The following ASB13 variants were observed in gnomAD, a reference collection of about 807,000 sequenced individuals.
ASB13 encodes the protein ankyrin repeat and SOCS box containing 13.
ASB13 carries 33 observed loss-of-function variants against 28.8 expected under a neutral mutation model. The observed-to-expected ratio is 1.15, with a 90% confidence interval of 0.87 to 1.53. ASB13 has a LOEUF of 1.53. Among genes scored for constraint, ASB13 ranks in the 40% most tolerant of loss-of-function variants. ASB13 has a pLI of 0.00. For missense variants in ASB13, 414 were observed against 390.1 expected, an observed-to-expected ratio of 1.06 and a Z score of -0.52; for synonymous variants, 182 against 172.9, an observed-to-expected ratio of 1.05 and a Z score of -0.41.
chr10:5,642,667 GAC>G lies in ASB13; in HGVS notation c.518-708_518-707del, dbSNP rs1203026098. ...GCTGGTTTTGGGTTTTTTTTTTTGA[GAC>G]AGAGTCTCACTCTGTTGCCCAGGCT... is the stretch of plus-strand genomic sequence containing the variant. On this transcript the variant is annotated intron_variant, in intron 4 of 5. Transcript: ENST00000357700. The surrounding 1 kb of genome is among the most constrained non-coding windows in gnomAD (Gnocchi z 4.1). The G allele has an allele frequency of 2.7e-6, 1 of 373,248 alleles. No homozygotes were observed. Among genetic ancestry groups the G allele is most frequent in the Non-Finnish European group, 4.7e-6 (1 of 212,156 alleles). The allele number at this position is 373,248 out of a possible 1,614,324, so 23.1% of individuals were successfully genotyped here. A position where few individuals can be genotyped will look rare whatever the true frequency, so the allele number is the denominator to read the frequency against.
In ASB13 at chr10:5,656,113, G is replaced by A. The variant is rs1057223129; in HGVS notation, c.44-3063C>T. 2.0e-5 allele frequency among the ~76,000 whole-genome samples: 3 copies of A among 152,304 alleles called. No homozygotes were observed. Among genetic ancestry groups the A allele is most frequent in the East Asian group, 3.9e-4 (2 of 5,190 alleles). On this transcript the variant is annotated intron_variant, in intron 1 of 5. Transcript: ENST00000357700. The surrounding 1 kb of genome is among the most constrained non-coding windows in gnomAD (Gnocchi z 4.3). ...TCACAGAGGCCGCAGAGCTGCAGCC[G>A]GGTCTATCTCAGGCACCGCTTATTC...
At position 5,649,061 on chromosome 10, in the gene ASB13, A is replaced by T. The variant is rs745838952; in HGVS notation, c.426T>A (p.Asn142Lys). 1 of 1,614,248 alleles carries T rather than the reference A, an allele frequency of 6.2e-7. No individual in the cohort carries two copies. Among genetic ancestry groups the T allele is most frequent in the Admixed American group, 1.7e-5 (1 of 60,028 alleles). Residue 142 changes from asparagine (N) to lysine (K), a missense_variant, in exon 4 of 6, where the codon AAT (asparagine) becomes AAA (lysine). Transcript: ENST00000357700. The surrounding 1 kb of genome is among the most constrained non-coding windows in gnomAD (Gnocchi z 6.4). ...CAAAATGGCAATCGTGCGCTTCCAG[A>T]TTGGCCCCGACGTCAATAAGAAGCC... ...CVRLLIDVGA[N>K]LEAHDCHFGT...
rs1835118839 is a variant in ASB13, at chr10:5,659,179, C to T, written c.44-6129G>A. ...GGCTCCCTGTGGTGGCAAGACGCCC[C>T]CCCTCCCCAATCCCTGCACCCTCTC... On this transcript the variant is annotated intron_variant, in intron 1 of 5. Transcript: ENST00000357700. The surrounding 1 kb of genome is among the most constrained non-coding windows in gnomAD (Gnocchi z 5.8). Among the ~76,000 whole-genome samples the T allele has an allele frequency of 6.6e-6, 1 of 152,174 alleles. No homozygotes were observed. Among genetic ancestry groups the T allele is most frequent in the African/African-American group, 2.4e-5 (1 of 41,442 alleles).
chr10:5,642,096 ACCGTAGCTTTC>A lies in ASB13; in HGVS notation c.518-146_518-136del. 1.3e-6 allele frequency: 1 copy of A among 779,330 alleles called. No homozygotes were observed. Among genetic ancestry groups the A allele is most frequent in the Admixed American group, 2.9e-5 (1 of 33,946 alleles). The allele number at this position is 779,330 out of a possible 1,614,324, so 48.3% of individuals were successfully genotyped here. A position where few individuals can be genotyped will look rare whatever the true frequency, so the allele number is the denominator to read the frequency against. ...AGAAGACAAAATCAGGACAGACTCT[ACCGTAGCTTTC>A]AAAAATGTTTTTCAACATCCAAAAG... On this transcript the variant is annotated intron_variant, in intron 4 of 5. Transcript: ENST00000357700. This position sits in a 1 kb window ranked among gnomAD's most constrained non-coding sequence, Gnocchi z 4.1.
chr10:5,663,462 C>A lies in ASB13; in HGVS notation c.43+3047G>T, dbSNP rs917760814. 6.6e-6 allele frequency among the ~76,000 whole-genome samples: 1 copy of A among 152,118 alleles called. No homozygotes were observed. Among genetic ancestry groups the A allele is most frequent in the African/African-American group, 2.4e-5 (1 of 41,442 alleles). On this transcript the variant is annotated intron_variant, in intron 1 of 5. Transcript: ENST00000357700. This position sits in a 1 kb window ranked among gnomAD's most constrained non-coding sequence, Gnocchi z 4.9. ...CCCTGGTCCACCCCAAAGGCTATGG[C>A]CCAGGGAGCATGGGGAGGGTCCCCC...
rs183854849 is a variant in ASB13, at chr10:5,644,218, G to T, written c.518-2257C>A. Among the ~76,000 whole-genome samples the T allele has an allele frequency of 6.6e-6, 1 of 152,226 alleles. No individual in the cohort carries two copies. Among genetic ancestry groups the T allele is most frequent in the Non-Finnish European group, 1.5e-5 (1 of 68,038 alleles). ...TCATTAAAAATATATGCTTGGGCCA[G>T]GTACAGGGCTCACGCCTGTAATCTC... On this transcript the variant is annotated intron_variant, in intron 4 of 5. Coordinates refer to ENST00000357700, the MANE Select transcript of ASB13 (RefSeq NM_024701.4). The surrounding 1 kb of genome is among the most constrained non-coding windows in gnomAD (Gnocchi z 5.1).
At position 5,652,751 on chromosome 10, in the gene ASB13, G is replaced by A; in HGVS notation, c.231+112C>T. The A allele has an allele frequency of 8.8e-7, 1 of 1,139,672 alleles. No homozygotes were observed. 70.6% of individuals were successfully genotyped at this position (1,139,672 alleles called of 1,614,324 possible). ...ATGGGCTTCCTGGTACCTGTGTGCA[G>A]TGGACACAGTGCAGCCCCCATCCTC... On this transcript the variant is annotated intron_variant, in intron 2 of 5. Coordinates refer to ENST00000357700, the MANE Select transcript of ASB13 (RefSeq NM_024701.4). This position sits in a 1 kb window ranked among gnomAD's most constrained non-coding sequence, Gnocchi z 5.0.
intron 1 of ASB13, among the ~76,000 whole-genome samples, chr10:5,662,536 G>GAGGT (rs1455291280): frequency 3.4e-4 from 17 of 49,464 alleles, no homozygotes; most frequent in Admixed American, 2.1e-3. Context: ...TCGAGAAGGG[G>GAGGT]GGGGGAGGGG....
chr10:5,649,307 C>T lies in ASB13; in HGVS notation c.383-203G>A, dbSNP rs368253219. Among the ~76,000 whole-genome samples, 3 of 152,144 alleles carry T rather than the reference C, an allele frequency of 2.0e-5. No homozygotes were observed. Among genetic ancestry groups the T allele is most frequent in the Admixed American group, 6.5e-5 (1 of 15,276 alleles). ...ACACGGCTCTGCGCCCCGCTGAGGA[C>T]GGAGGGCTCAAGGCAGTGGGAGAAA... On this transcript the variant is annotated intron_variant, in intron 3 of 5. Transcript: ENST00000357700. This position sits in a 1 kb window ranked among gnomAD's most constrained non-coding sequence, Gnocchi z 6.4.
rs1166531591 is a variant in ASB13 at position 5,649,298 on chromosome 10, C to T, written c.383-194G>A. Among the ~76,000 whole-genome samples the T allele has an allele frequency of 6.6e-6, 1 of 152,186 alleles. No individual in the cohort carries two copies. The highest frequency in any genetic ancestry group is 1.5e-5 in the Non-Finnish European group (1 of 68,028). On this transcript the variant is annotated intron_variant, in intron 3 of 5. Coordinates refer to ENST00000357700, the MANE Select transcript of ASB13 (RefSeq NM_024701.4). The surrounding 1 kb of genome is among the most constrained non-coding windows in gnomAD (Gnocchi z 6.4). ...GAAGCCAGGACACGGCTCTGCGCCC[C>T]GCTGAGGACGGAGGGCTCAAGGCAG...
rs1173672171 is a variant in ASB13 at position 5,660,267 on chromosome 10, A to G, written c.43+6242T>C. ...ACACGTGCTTCAGAACGTTCTCTCC[A>G]CTCTTCCACCCACGATACGACCTTA... On this transcript the variant is annotated intron_variant, in intron 1 of 5. Transcript: ENST00000357700. This position sits in a 1 kb window ranked among gnomAD's most constrained non-coding sequence, Gnocchi z 6.1. Among the ~76,000 whole-genome samples the G allele has an allele frequency of 1.3e-5, 2 of 152,020 alleles. No homozygotes were observed. The highest frequency in any genetic ancestry group is 2.9e-5 in the Non-Finnish European group (2 of 67,994).
In ASB13 at chr10:5,651,481, C is replaced by T. The variant is rs1255200468; in HGVS notation, c.232-118G>A. The T allele has an allele frequency of 5.1e-6, 6 of 1,185,402 alleles. No homozygotes were observed. In the Admixed American group the frequency reaches 1.6e-4, roughly 31 times the overall value. The allele number at this position is 1,185,402 out of a possible 1,614,324, so 73.4% of individuals were successfully genotyped here. A position where few individuals can be genotyped will look rare whatever the true frequency, so the allele number is the denominator to read the frequency against. ...TTCTTAGAAGCACCGGTTTGCTTTG[C>T]TATTATGTGCTAGGCAACGACACTG... is the stretch of plus-strand genomic sequence containing the variant. On this transcript the variant is annotated intron_variant, in intron 2 of 5. Transcript: ENST00000357700. This position sits in a 1 kb window ranked among gnomAD's most constrained non-coding sequence, Gnocchi z 5.1.
Position 5,660,998 on chromosome 10 carries a change from C to G in ASB13, c.43+5511G>C, listed in dbSNP as rs181947839. Among the ~76,000 whole-genome samples, 36 of 152,336 alleles carry G rather than the reference C, an allele frequency of 2.4e-4. No individual in the cohort carries two copies. The highest frequency in any genetic ancestry group is 5.2e-4 in the Admixed American group (8 of 15,306). The stretch of plus-strand genomic sequence containing the variant: ...AGCAGCCAGGATGTGAGTATTTAGA[C>G]CAGGGAAAGCAGCAAAGCAGACTTT... On this transcript the variant is annotated intron_variant, in intron 1 of 5. Transcript: ENST00000357700. The surrounding 1 kb of genome is among the most constrained non-coding windows in gnomAD (Gnocchi z 6.1).
rs1411296600 is a variant in ASB13, at chr10:5,652,197, A to G, written c.231+666T>C. On this transcript the variant is annotated intron_variant, in intron 2 of 5. Coordinates refer to ENST00000357700, the MANE Select transcript of ASB13 (RefSeq NM_024701.4). This position sits in a 1 kb window ranked among gnomAD's most constrained non-coding sequence, Gnocchi z 5.0. Reference sequence around the variant, plus strand: ...TAGCATTTGTCCAAATTCAAATTCTATTTGGGTACACACTGAAATCGGTTC... The same window carrying G: ...TAGCATTTGTCCAAATTCAAATTCTGTTTGGGTACACACTGAAATCGGTTC... Among the ~76,000 whole-genome samples the G allele has an allele frequency of 1.3e-5, 2 of 152,096 alleles. No individual in the cohort carries two copies. The highest frequency in any genetic ancestry group is 4.8e-5 in the African/African-American group (2 of 41,406).
rs934921149 is a variant in ASB13 at position 5,645,040 on chromosome 10, G to C, written c.518-3079C>G. Among the ~76,000 whole-genome samples, 2 of 152,018 alleles carry C rather than the reference G, an allele frequency of 1.3e-5. No homozygotes were observed. The highest frequency in any genetic ancestry group is 2.9e-5 in the Non-Finnish European group (2 of 67,986). ...CAGGGAATTAAAAGCTCTGAACTTC[G>C]TGCTTCAGAGAAAAGGGGTCAACAC... On this transcript the variant is annotated intron_variant, in intron 4 of 5. Coordinates refer to ENST00000357700, the MANE Select transcript of ASB13 (RefSeq NM_024701.4). This position sits in a 1 kb window ranked among gnomAD's most constrained non-coding sequence, Gnocchi z 5.4.
Position 5,666,579 on chromosome 10 carries a change from TCTGGG to T in ASB13, c.-33_-29del. On this transcript the variant is annotated 5_prime_UTR_variant, in exon 1 of 6. Coordinates refer to ENST00000357700, the MANE Select transcript of ASB13 (RefSeq NM_024701.4). ...GGCTCACCGGCGGCCGCGCGGCGAC[TCTGGG>T]CGCCGGGACCTGGGCCGGGCCGCGC... 1 of 1,129,434 alleles carries T rather than the reference TCTGGG, an allele frequency of 8.9e-7. No individual in the cohort carries two copies. The highest frequency in any genetic ancestry group is 1.1e-6 in the Non-Finnish European group (1 of 922,718). The allele number at this position is 1,129,434 out of a possible 1,614,324, so 70.0% of individuals were successfully genotyped here.
chr10:5,654,145 C>CTTTTTTTTTTTT (rs145949502), intron 1 of ASB13, among the ~76,000 whole-genome samples: 21 of 128,728 alleles, frequency 1.6e-4, no homozygotes, highest in Non-Finnish European at 1.9e-4. Flanking sequence ...TTCTTTTTTT[C>CTTTTTTTTTTTT]TTTTTTTTTT....
Position 5,644,001 on chromosome 10 carries a change from A to G in ASB13, c.518-2040T>C, listed in dbSNP as rs1834846012. 6.6e-6 allele frequency among the ~76,000 whole-genome samples: 1 copy of G among 152,188 alleles called. No individual in the cohort carries two copies. Among genetic ancestry groups the G allele is most frequent in the Non-Finnish European group, 1.5e-5 (1 of 68,038 alleles). On this transcript the variant is annotated intron_variant, in intron 4 of 5. Transcript: ENST00000357700. The surrounding 1 kb of genome is among the most constrained non-coding windows in gnomAD (Gnocchi z 5.1). The stretch of plus-strand genomic sequence containing the variant: ...CAGCCTTCCCAATGTACATCTTTTC[A>G]AAATGTGTGTTTGGCATCATTTGAT...
intron 1 of ASB13, among the ~76,000 whole-genome samples, chr10:5,653,589 G>A (rs902742597): frequency 2.3e-4 from 35 of 152,182 alleles, no homozygotes; most frequent in African/African-American, 8.4e-4. Context: ...CCTCAGGCTT[G>A]TCTATATACA....
Sources: allele counts gnomAD v4.1 joint callset (sites outside exome capture counted in the v4.1 genomes callset), GRCh38; gene constraint gnomAD v4.1.1; non-coding constraint Gnocchi (gnomAD v3.1); transcripts MANE v1.5; gene names NCBI Gene and HGNC (gene_info 2026-07-23, HGNC 2026-07-21).